FMN1: variants seen among roughly 807,000 people sequenced by gnomAD.
FMN1 encodes formin 1.
A neutral mutation model predicts 132.4 loss-of-function variants in FMN1; 110 were observed. The ratio of observed to expected loss-of-function variants is 0.83; its 90% CI spans 0.71 to 0.97. The LOEUF (loss-of-function observed/expected upper bound fraction) is 0.97. Ranked by LOEUF, FMN1 falls within the 50% of genes least tolerant of loss-of-function variation. FMN1 has a pLI of 0.00. For synonymous variants in FMN1, 722 were observed against 651.7 expected (o/e 1.11, Z -1.64); for missense variants, 1,792 against 1,705.3 (o/e 1.05, Z -0.90).
At chr15:33,167,210 A>G (rs1284487849) in intron 3 of FMN1, among the ~76,000 whole-genome samples, 2 of 152,104 alleles carry the variant, frequency 1.3e-5, no homozygotes, top group Non-Finnish European at 2.9e-5. Context: ...GGATAACTGA[A>G]TCATGGTGGC....
chr15:32,969,194 G>A lies in FMN1; in HGVS notation c.2507C>T (p.Ser836Phe), dbSNP rs1207593352. 3.7e-6 allele frequency: 6 copies of A among 1,613,936 alleles called. No homozygotes were observed. The highest frequency in any genetic ancestry group is 1.1e-5 in the South Asian group (1 of 91,076). The change falls in exon 8 of 21, where the codon TCC becomes TTC. Residue 836 changes from serine (S) to phenylalanine (F), a missense_variant. Physicochemically the swap from Ser to Phe is radical, Grantham distance 155. Coordinates refer to ENST00000616417, the MANE Select transcript of FMN1 (RefSeq NM_001277313.2). ...TGGGGGTGAGAGCTGGCTTAAAGAGGAGATATTCAGCTTTTTGGGTACTAA... is the reference window on the plus strand; with the variant it reads ...TGGGGGTGAGAGCTGGCTTAAAGAGAAGATATTCAGCTTTTTGGGTACTAA... Reference protein sequence around the residue: ...NQLVPKKLNISSLSQLSPPND... With the variant: ...NQLVPKKLNIFSLSQLSPPND...
intron 4 of FMN1, among the ~76,000 whole-genome samples, chr15:33,137,861 A>G (rs1228987695): frequency 3.3e-5 from 5 of 152,166 alleles, no homozygotes; most frequent in Non-Finnish European, 7.3e-5. Context: ...ACAGTCATGA[A>G]GAGATGAGGG....
At chr15:33,011,362 T>C (rs890941705) in intron 6 of FMN1, among the ~76,000 whole-genome samples, 2 of 152,116 alleles carry the variant, frequency 1.3e-5, no homozygotes, top group Non-Finnish European at 2.9e-5. Context: ...TCTGTTCCTT[T>C]CTTATGGAAA....
At chr15:33,111,804 G>C (rs7179457) in intron 4 of FMN1, among the ~76,000 whole-genome samples, 2,464 of 152,202 alleles carry the variant, frequency 0.016, 58 homozygotes, top group African/African-American at 0.057. Context: ...GGAAAATGGT[G>C]AGTGACTTCT....
chr15:33,017,651 A>G lies in FMN1; in HGVS notation c.2162-9576T>C, dbSNP rs572177588. ...CTGTCAACCTTTCCTCATTCAACAC[A>G]TAAGAATTTCTTTAGGCAAAAATAT... On this transcript the variant is annotated intron_variant, in intron 6 of 20. Transcript: ENST00000616417. Among the ~76,000 whole-genome samples the G allele has an allele frequency of 1.8e-4, 27 of 152,360 alleles. No individual in the cohort carries two copies. In the Middle Eastern group the frequency reaches 0.01, roughly 58 times the overall value.
At chr15:33,127,497 G>A (rs1014779647) in intron 4 of FMN1, among the ~76,000 whole-genome samples, 7 of 152,164 alleles carry the variant, frequency 4.6e-5, no homozygotes, top group Non-Finnish European at 7.4e-5. Flanking sequence ...CTTACTAAAT[G>A]AAACCCAAGT....
chr15:32,987,829 C>T (rs1028269763), intron 7 of FMN1, among the ~76,000 whole-genome samples: 2 of 152,070 alleles, frequency 1.3e-5, no homozygotes, highest in African/African-American at 4.8e-5. Flanking sequence ...AGTACTAAAA[C>T]TTGGAGCTCA....
chr15:32,828,199 A>T (rs2141141238), intron 17 of FMN1, among the ~76,000 whole-genome samples: 1 of 152,234 alleles, frequency 6.6e-6, no homozygotes, highest in Admixed American at 6.5e-5. Context: ...GTTTGAACTC[A>T]GGAGGCGGAG....
intron 9 of FMN1, among the ~76,000 whole-genome samples, chr15:32,934,708 G>C (rs2061217130): frequency 6.7e-6 from 1 of 149,622 alleles, no homozygotes; most frequent in African/African-American, 2.5e-5. Context: ...CCAGGTTCAA[G>C]CGATTCTCCT....
intron 4 of FMN1, among the ~76,000 whole-genome samples, chr15:33,105,023 G>A (rs1172063689): frequency 6.6e-6 from 1 of 152,058 alleles, no homozygotes; most frequent in African/African-American, 2.4e-5. Flanking sequence ...CTGGGATGTG[G>A]CACTTTGCAA....
At chr15:33,015,738 G>A (rs921116846) in intron 6 of FMN1, among the ~76,000 whole-genome samples, 3 of 151,842 alleles carry the variant, frequency 2.0e-5, no homozygotes, top group African/African-American at 7.3e-5. Context: ...AATTATACTT[G>A]GACGATACTC....
At position 33,154,963 on chromosome 15, in the gene FMN1, G is replaced by T; in HGVS notation, c.-49C>A. 6.9e-7 allele frequency: 1 copy of T among 1,447,044 alleles called. No individual in the cohort carries two copies. The highest frequency in any genetic ancestry group is 9.2e-7 in the Non-Finnish European group (1 of 1,089,560). The allele number at this position is 1,447,044 out of a possible 1,614,324, so 89.6% of individuals were successfully genotyped here. On this transcript the variant is annotated 5_prime_UTR_variant, in exon 4 of 21. Transcript: ENST00000616417. ...CTTGGAGATGCCGGTTTGTGGTCAG[G>T]CTTCCCAGGCTCCAGTGGTGAGGCA...
chr15:32,922,506 G>A (rs1449004603), intron 10 of FMN1, among the ~76,000 whole-genome samples: 14 of 152,196 alleles, frequency 9.2e-5, no homozygotes, highest in Non-Finnish European at 1.5e-5. Context: ...GTATAGAGAA[G>A]CAAAACTCTT....
intron 17 of FMN1, among the ~76,000 whole-genome samples, chr15:32,850,887 T>C (rs543117813): frequency 1.3e-5 from 2 of 152,314 alleles, no homozygotes; most frequent in South Asian, 4.1e-4. Flanking sequence ...AAAACAATTT[T>C]TGATATTAAG....
At chr15:33,172,866 T>C (rs2140324498) in intron 3 of FMN1, among the ~76,000 whole-genome samples, 1 of 152,280 alleles carries the variant, frequency 6.6e-6, no homozygotes, top group Non-Finnish European at 1.5e-5. Flanking sequence ...AGGATTTCAG[T>C]AATGTTGCAG....
chr15:32,942,240 C>G (rs1030561520), intron 9 of FMN1, among the ~76,000 whole-genome samples: 1 of 152,208 alleles, frequency 6.6e-6, no homozygotes, highest in Non-Finnish European at 1.5e-5. Flanking sequence ...ATTATTATTC[C>G]TCACATATGT....
At chr15:33,167,476 C>G (rs1309665260) in intron 3 of FMN1, among the ~76,000 whole-genome samples, 4 of 152,144 alleles carry the variant, frequency 2.6e-5, no homozygotes, top group Non-Finnish European at 2.9e-5. Flanking sequence ...CTAATACAGC[C>G]AACATTTCAT....
chr15:33,081,668 C>T (rs1440175583), intron 5 of FMN1, among the ~76,000 whole-genome samples: 2 of 152,114 alleles, frequency 1.3e-5, no homozygotes, highest in Non-Finnish European at 2.9e-5. Context: ...AGTAGTGGAG[C>T]GGTAGAAGGA....
intron 3 of FMN1, among the ~76,000 whole-genome samples, chr15:33,174,903 T>C (rs1218452401): frequency 6.6e-6 from 1 of 152,240 alleles, no homozygotes; most frequent in Non-Finnish European, 1.5e-5. Flanking sequence ...CAGGATTTCT[T>C]TTTCAAATCT....
Sources: allele counts gnomAD v4.1 joint callset (sites outside exome capture counted in the v4.1 genomes callset), GRCh38; gene constraint gnomAD v4.1.1; transcripts MANE v1.5; gene names NCBI Gene and HGNC (gene_info 2026-07-23, HGNC 2026-07-21).